Variants in TNRC18 observed in about 807,000 individuals in gnomAD.
TNRC18 encodes trinucleotide repeat containing 18, also known as trinucleotide repeat-containing gene 18 protein.
Under a neutral mutation model 226.7 loss-of-function variants are expected in TNRC18, and 69 were observed. That is an observed-to-expected ratio of 0.30 (90% CI 0.25 to 0.37). The LOEUF (loss-of-function observed/expected upper bound fraction) is 0.37, where lower values mean the gene tolerates loss of function less well. TNRC18 is among the 10% of genes least tolerant of loss of function. The pLI, the probability that TNRC18 is intolerant of heterozygous loss-of-function variation, is 1.00. For missense variants in TNRC18, 4,754 were observed against 4,256.6 expected (o/e 1.12, Z -3.25); for synonymous variants, 2,449 against 1,927.6 (o/e 1.27, Z -7.09).
At chr7:5,347,010 A>ATT in intron 17 of TNRC18, among the ~76,000 whole-genome samples, 1 of 152,158 alleles carries the variant, frequency 6.6e-6, no homozygotes, top group Non-Finnish European at 1.5e-5. Context: ...CTCGGGCAGT[A>ATT]GAAGAGCAGG....
rs1223857967 is a variant in TNRC18, at chr7:5,374,461, C to T, written c.2823G>A (p.Glu941=). ...QLVQERLKAQ[E]HRAEMEEKGS... is the part of the protein sequence containing the mutation. ...CCTTCTCTTCCATCTCCGCCCGGTG[C>T]TCCTGCGCCTTCAACCGCTCCTGCT... The change falls in exon 10 of 30, where the codon GAG becomes GAA. Residue 941 remains glutamate (E), a synonymous_variant. Coordinates refer to ENST00000430969, the MANE Select transcript of TNRC18 (RefSeq NM_001080495.3). 2.6e-6 allele frequency: 4 copies of T among 1,546,634 alleles called. No individual in the cohort carries two copies. The highest frequency in any genetic ancestry group is 2.6e-6 in the Non-Finnish European group (3 of 1,145,528).
chr7:5,374,640 G>A (rs1343111112), intron 9 of TNRC18, among the ~76,000 whole-genome samples, 156 bp from the exon 10 acceptor site: 1 of 152,224 alleles, frequency 6.6e-6, no homozygotes, highest in African/African-American at 2.4e-5. Flanking sequence ...GCCAGAGACA[G>A]ACATTCCATC....
At chr7:5,422,101 C>G (rs1198645206) in intron 1 of TNRC18, among the ~76,000 whole-genome samples, 1 of 152,110 alleles carries the variant, frequency 6.6e-6, no homozygotes, top group Non-Finnish European at 1.5e-5. Flanking sequence ...GGTCCCCCCC[C>G]TTTCTCCCCC....
rs778686637 is a variant in TNRC18, at chr7:5,332,713, G to C, written c.6056C>G (p.Pro2019Arg). ...AAAPAPVSTA[P>R]ATKTSRCAKG... ...GGCGCAGCGGCTGGTCTTGGTGGCG[G>C]GCGCGGTGCTGACGGGCGCAGGTGC... Residue 2019 changes from proline (P) to arginine (R), a missense_variant, in exon 19 of 30, where the codon CCC becomes CGC. Pro to Arg is a moderately radical substitution (Grantham distance 103, BLOSUM62 -2). Transcript: ENST00000430969. 1.3e-6 allele frequency: 2 copies of C among 1,527,940 alleles called. No individual in the cohort carries two copies. Among genetic ancestry groups the C allele is most frequent in the South Asian group, 1.2e-5 (1 of 83,006 alleles). 94.6% of individuals were successfully genotyped at this position (1,527,940 alleles called of 1,614,324 possible).
intron 18 of TNRC18, among the ~76,000 whole-genome samples, chr7:5,344,965 T>G (rs1791020898): frequency 6.6e-6 from 1 of 152,056 alleles, no homozygotes. Context: ...CTGCCTTGGT[T>G]TACCTATCTG....
intron 11 of TNRC18, among the ~76,000 whole-genome samples, chr7:5,363,702 C>T (rs1793318671): frequency 6.6e-6 from 1 of 152,160 alleles, no homozygotes; most frequent in South Asian, 2.1e-4. Flanking sequence ...CAGCATAAGC[C>T]TCCAGAGGGA....
chr7:5,315,416 GTTTT>G (rs10601250), intron 25 of TNRC18, among the ~76,000 whole-genome samples: 5 of 147,588 alleles, frequency 3.4e-5, no homozygotes, highest in African/African-American at 5.0e-5. Context: ...CTTTTGTTGG[GTTTT>G]TTTTTTTTTT....
At chr7:5,337,915 G>A (rs62443178) in intron 18 of TNRC18, among the ~76,000 whole-genome samples, 47,216 of 151,690 alleles carry the variant, frequency 0.31, 8,727 homozygotes, top group East Asian at 0.64. Context: ...CCCTGGAGAC[G>A]GAGATTGCAG....
chr7:5,353,349 C>T (rs1006747406), intron 16 of TNRC18, among the ~76,000 whole-genome samples: 1 of 152,034 alleles, frequency 6.6e-6, no homozygotes, highest in African/African-American at 2.4e-5. Context: ...CCAGCCTGGC[C>T]AACATGGCAA....
At chr7:5,373,968 G>A (rs1021571555) in intron 10 of TNRC18, 87 bp downstream of exon 10, 26 of 1,114,250 alleles carry the variant, frequency 2.3e-5, no homozygotes, top group Middle Eastern at 6.3e-4. Context: ...ATGAACGAAC[G>A]ATCGAACGGG....
rs563847471 is a variant in TNRC18, at chr7:5,339,887, C to T, written c.5719+5675G>A. On this transcript the variant is annotated intron_variant, in intron 18 of 29. Transcript: ENST00000430969. The stretch of plus-strand genomic sequence containing the variant: ...ACCCGGCTGTATGTTCTTTATATAG[C>T]GAGGAAGAAAAAAAAAAAAAGTGTG... 2.1e-4 allele frequency among the ~76,000 whole-genome samples: 31 copies of T among 150,546 alleles called. No individual in the cohort carries two copies. The South Asian group carries it at 3.1e-3, about 15-fold the overall frequency.
At chr7:5,336,646 G>A (rs1277307815) in intron 18 of TNRC18, among the ~76,000 whole-genome samples, 4 of 152,176 alleles carry the variant, frequency 2.6e-5, no homozygotes, top group Non-Finnish European at 5.9e-5. Flanking sequence ...GGAGGCAGAG[G>A]TGGGAGGATC....
In TNRC18 at chr7:5,308,007, C is replaced by A. The variant is rs565491517; in HGVS notation, c.*99G>T. ...CCATGCACACGCCTGCAGGAGCGCT[C>A]GCATGCACACAACGCACGTGGTCTC... On this transcript the variant is annotated 3_prime_UTR_variant, in exon 30 of 30. Coordinates refer to ENST00000430969, the MANE Select transcript of TNRC18 (RefSeq NM_001080495.3). 3.5e-6 allele frequency: 4 copies of A among 1,156,570 alleles called. No individual in the cohort carries two copies. The African/African-American group carries it at 6.1e-5, about 18-fold the overall frequency. 71.6% of individuals were successfully genotyped at this position (1,156,570 alleles called of 1,614,324 possible).
chr7:5,408,333 T>C (rs898759828), intron 2 of TNRC18, among the ~76,000 whole-genome samples: 4 of 130,978 alleles, frequency 3.1e-5, no homozygotes, highest in East Asian at 2.3e-4. Flanking sequence ...GAAAGCAAAA[T>C]AGGAGAGAAG....
At chr7:5,359,261 A>G in intron 15 of TNRC18, 137 bp downstream of exon 15, 1 of 909,074 alleles carries the variant, frequency 1.1e-6, no homozygotes, top group Admixed American at 2.3e-5. Flanking sequence ...GAGAAGAGTC[A>G]TTCCGGCATT....
At chr7:5,334,833 G>A (rs1018459648) in intron 18 of TNRC18, among the ~76,000 whole-genome samples, 2 of 152,184 alleles carry the variant, frequency 1.3e-5, no homozygotes, top group Admixed American at 6.5e-5. Context: ...GTGGAAGGCA[G>A]AGAGTGAAGT....
At chr7:5,328,364 C>G (rs1214109272) in intron 19 of TNRC18, among the ~76,000 whole-genome samples, 2 of 151,950 alleles carry the variant, frequency 1.3e-5, no homozygotes, top group Non-Finnish European at 2.9e-5. Context: ...CCCATCTGCA[C>G]GAAAATAATT....
At chr7:5,414,140 T>A (rs1319891851) in intron 2 of TNRC18, among the ~76,000 whole-genome samples, 1 of 151,554 alleles carries the variant, frequency 6.6e-6, no homozygotes, top group Non-Finnish European at 1.5e-5. Context: ...AGAGATGGGA[T>A]TTCACCATGT....
chr7:5,320,112 C>T (rs1788196900), intron 24 of TNRC18: 2 of 562,022 alleles, frequency 3.6e-6, no homozygotes, highest in Non-Finnish European at 6.4e-6. Flanking sequence ...GATGACAGCA[C>T]TGCTGACAGA....
Sources: gnomAD v4.1 joint callset for allele counts (sites outside exome capture counted in the v4.1 genomes callset) on GRCh38, gnomAD v4.1.1 for gene constraint, MANE v1.5 for transcripts, NCBI Gene and HGNC (gene_info 2026-07-23, HGNC 2026-07-21) for gene names.